HFM1: variants seen among roughly 807,000 people sequenced by gnomAD.
The protein encoded by HFM1 is helicase for meiosis 1.
Under a neutral mutation model 192.1 loss-of-function variants are expected in HFM1, and 169 were observed. The observed-to-expected ratio is 0.88, with a 90% CI of 0.78 to 1.00. The LOEUF is 1.00. HFM1 is among the 50% of genes least tolerant of loss of function. The pLI is 0.00. For synonymous variants in HFM1, 525 were observed against 537.8 expected (o/e 0.98, Z 0.33); for missense variants, 1,661 against 1,668.0 (o/e 1.00, Z 0.07).
At chr1:91,293,460 A>G (rs1370289427) in intron 30 of HFM1, among the ~76,000 whole-genome samples, 1 of 152,102 alleles carries the variant, frequency 6.6e-6, no homozygotes, top group Non-Finnish European at 1.5e-5. Context: ...GCTCACCATC[A>G]CTGGCCATCA....
At chr1:91,373,948 G>T (rs1281715195) in intron 13 of HFM1, among the ~76,000 whole-genome samples, 3 of 151,966 alleles carry the variant, frequency 2.0e-5, no homozygotes, top group Non-Finnish European at 2.9e-5. Flanking sequence ...TAATAGAAAA[G>T]ATATTAAAAT....
intron 8 of HFM1, among the ~76,000 whole-genome samples, 197 bp downstream of exon 8, chr1:91,379,907 C>T (rs1661352407): frequency 1.3e-5 from 2 of 151,934 alleles, no homozygotes; most frequent in Admixed American, 6.6e-5. Context: ...AAGTCAAATT[C>T]TCAATTCAAA....
At chr1:91,268,045 C>T (rs999706930) in intron 34 of HFM1, among the ~76,000 whole-genome samples, 190 bp from the exon 35 acceptor site, 1 of 152,004 alleles carries the variant, frequency 6.6e-6, no homozygotes, top group African/African-American at 2.4e-5. Context: ...GCATCGTAGT[C>T]TATTGATATA....
intron 20 of HFM1, among the ~76,000 whole-genome samples, chr1:91,342,473 T>C (rs896131208): frequency 6.6e-5 from 10 of 152,298 alleles, no homozygotes; most frequent in African/African-American, 2.2e-4. Context: ...AGAGTGGAAT[T>C]TGAATGAACA....
intron 20 of HFM1, among the ~76,000 whole-genome samples, chr1:91,341,369 A>T (rs1655306286): frequency 6.6e-6 from 1 of 152,218 alleles, no homozygotes; most frequent in Non-Finnish European, 1.5e-5. Context: ...AGAAATCAAG[A>T]TACTCTTTGT....
intron 30 of HFM1, among the ~76,000 whole-genome samples, chr1:91,278,350 C>T (rs898134097): frequency 2.6e-5 from 4 of 152,026 alleles, no homozygotes; most frequent in Admixed American, 6.6e-5. Context: ...TTAGCTCTCA[C>T]TAGTAGCACG....
chr1:91,264,792 C>T (rs1665591380), intron 36 of HFM1, among the ~76,000 whole-genome samples: 1 of 152,122 alleles, frequency 6.6e-6, no homozygotes, highest in Non-Finnish European at 1.5e-5. Context: ...CCCTTGACTT[C>T]TAATCAAGTC....
chr1:91,384,511 T>A (rs1161699877), intron 6 of HFM1, among the ~76,000 whole-genome samples: 1 of 152,104 alleles, frequency 6.6e-6, no homozygotes, highest in East Asian at 1.9e-4. Flanking sequence ...ATGTCCCCAA[T>A]CCACACAATA....
At chr1:91,371,229 T>C (rs1328151071) in intron 13 of HFM1, among the ~76,000 whole-genome samples, 1 of 151,884 alleles carries the variant, frequency 6.6e-6, no homozygotes, top group Non-Finnish European at 1.5e-5. Context: ...TTCACAGAAT[T>C]GGAAAAAACT....
intron 35 of HFM1, 95 bp downstream of exon 35, chr1:91,267,650 C>T (rs1434309957): frequency 6.6e-6 from 4 of 605,458 alleles, no homozygotes; most frequent in Admixed American, 7.3e-5. Flanking sequence ...AACAAGCACA[C>T]ACAACAAAGG....
intron 18 of HFM1, among the ~76,000 whole-genome samples, chr1:91,348,297 A>G (rs1463055023): frequency 6.6e-6 from 1 of 152,208 alleles, no homozygotes; most frequent in Non-Finnish European, 1.5e-5. Flanking sequence ...CATACATAAT[A>G]TTGATAAAAA....
chr1:91,392,068 A>G (rs1663062421), intron 4 of HFM1, among the ~76,000 whole-genome samples: 1 of 152,298 alleles, frequency 6.6e-6, no homozygotes, highest in Admixed American at 6.5e-5. Context: ...CACCAGTTAG[A>G]ATGGTGATCA....
At chr1:91,360,300 C>T (rs1380564989) in intron 13 of HFM1, among the ~76,000 whole-genome samples, 1 of 152,120 alleles carries the variant, frequency 6.6e-6, no homozygotes, top group Non-Finnish European at 1.5e-5. Flanking sequence ...CTTCAAGAGA[C>T]CCATCTCAGA....
chr1:91,370,174 G>T (rs757220667), intron 13 of HFM1, among the ~76,000 whole-genome samples: 2 of 152,186 alleles, frequency 1.3e-5, no homozygotes, highest in Non-Finnish European at 2.9e-5. Flanking sequence ...AGGAGGAGTT[G>T]TTACCATTCC....
In HFM1 at chr1:91,367,470, C is replaced by T. The variant is rs572982998; in HGVS notation, c.1685+7888G>A. Among the ~76,000 whole-genome samples, 439 of 152,260 alleles carry T rather than the reference C, an allele frequency of 2.9e-3. 4 individuals carry two copies. The highest frequency in any genetic ancestry group is 1.0e-2 in the African/African-American group (414 of 41,546). Reference sequence around the variant, plus strand: ...CCAATATCCGCTGTTCTGCAGCCACCGCTGCTGATACCCAGGCAAACAGGG... The same window carrying T: ...CCAATATCCGCTGTTCTGCAGCCACTGCTGCTGATACCCAGGCAAACAGGG... On this transcript the variant is annotated intron_variant, in intron 13 of 38. Transcript: ENST00000370425.
At chr1:91,301,026 C>T (rs12729000) in intron 30 of HFM1, among the ~76,000 whole-genome samples, 1 of 152,226 alleles carries the variant, frequency 6.6e-6, no homozygotes, top group South Asian at 2.1e-4. Flanking sequence ...GATTGTATAT[C>T]TAGAAAACCC....
intron 1 of HFM1, among the ~76,000 whole-genome samples, chr1:91,403,599 A>C (rs1161040949): frequency 6.6e-6 from 1 of 152,152 alleles, no homozygotes; most frequent in Non-Finnish European, 1.5e-5. Context: ...TTAAGTTCCT[A>C]TTATTTATTA....
At chr1:91,375,471 T>C (rs778856574) in intron 12 of HFM1, 25 bp from the exon 13 acceptor site, 1 of 1,611,278 alleles carries the variant, frequency 6.2e-7, no homozygotes, top group Non-Finnish European at 8.5e-7. Context: ...ATAACGTTTG[T>C]ATTAATCATG....
At chr1:91,302,139 T>G (rs1648875822) in intron 30 of HFM1, among the ~76,000 whole-genome samples, 1 of 150,932 alleles carries the variant, frequency 6.6e-6, no homozygotes, top group African/African-American at 2.4e-5. Context: ...AACAGACACT[T>G]CTCAAAAGAA....
Sources: gnomAD v4.1 joint callset for allele counts (sites outside exome capture counted in the v4.1 genomes callset) on GRCh38, gnomAD v4.1.1 for gene constraint, MANE v1.5 for transcripts, NCBI Gene and HGNC (gene_info 2026-07-23, HGNC 2026-07-21) for gene names.